PODXL: variants seen among roughly 807,000 people sequenced by gnomAD.
PODXL encodes the protein podocalyxin like.
In PODXL, 20 loss-of-function variants were observed where a neutral mutation model predicts 48.9. The observed-to-expected ratio is 0.41, with a 90% CI of 0.29 to 0.59. The LOEUF is 0.59. Ranked by LOEUF, PODXL falls within the 20% of genes least tolerant of loss-of-function variation. PODXL has a pLI of 0.31. For missense variants in PODXL, 606 were observed against 675.1 expected (o/e 0.90, Z 1.13); for synonymous variants, 295 against 287.4 (o/e 1.03, Z -0.27).
At chr7:131,520,878 A>G (rs530574804) in intron 1 of PODXL, among the ~76,000 whole-genome samples, 3 of 152,370 alleles carry the variant, frequency 2.0e-5, no homozygotes, top group South Asian at 2.1e-4. Context: ...ACAAGAAAAA[A>G]GCTGAGAGGC....
At position 131,500,303 on chromosome 7, in the gene PODXL, A is replaced by G. The variant is rs1797677691; in HGVS notation, c.*4008T>C. The G allele has an allele frequency of 6.6e-6, 1 of 152,540 alleles. No individual in the cohort carries two copies. The highest frequency in any genetic ancestry group is 2.4e-5 in the African/African-American group (1 of 41,446). 9.4% of individuals were successfully genotyped at this position (152,540 alleles called of 1,614,324 possible). On this transcript the variant is annotated 3_prime_UTR_variant, in exon 9 of 9. Coordinates refer to ENST00000378555, the MANE Select transcript of PODXL (RefSeq NM_001018111.3). Reference sequence around the variant, plus strand: ...AAAAACACTTTAATTGACAGTATACAATTTTCCAAAATATATTTTTGTAAG... The same window carrying G: ...AAAAACACTTTAATTGACAGTATACGATTTTCCAAAATATATTTTTGTAAG...
chr7:131,525,017 T>C (rs989235222), intron 1 of PODXL, among the ~76,000 whole-genome samples: 1 of 152,124 alleles, frequency 6.6e-6, no homozygotes, highest in African/African-American at 2.4e-5. Context: ...TTTGATGTTA[T>C]GGAAAGGGCA....
chr7:131,550,937 A>G (rs913379661), intron 1 of PODXL, among the ~76,000 whole-genome samples: 2 of 152,098 alleles, frequency 1.3e-5, no homozygotes, highest in Non-Finnish European at 2.9e-5. Flanking sequence ...GATTTCCAGA[A>G]GGCTCCCCAG....
At chr7:131,533,391 G>C (rs187524823) in intron 1 of PODXL, among the ~76,000 whole-genome samples, 2 of 152,288 alleles carry the variant, frequency 1.3e-5, no homozygotes, top group African/African-American at 4.8e-5. Context: ...AGATAATTCC[G>C]GGCATTCTTC....
At chr7:131,546,753 GTC>G (rs1297682424) in intron 1 of PODXL, among the ~76,000 whole-genome samples, 1 of 111,094 alleles carries the variant, frequency 9.0e-6, no homozygotes, top group Non-Finnish European at 1.9e-5. Flanking sequence ...AAAAAAAAAA[GTC>G]TGTTTTGACT....
At chr7:131,536,356 G>C (rs1258545017) in intron 1 of PODXL, among the ~76,000 whole-genome samples, 1 of 152,198 alleles carries the variant, frequency 6.6e-6, no homozygotes, top group African/African-American at 2.4e-5. Context: ...CTGGATGGCT[G>C]GTGCTGTCTA....
intron 1 of PODXL, 65 bp from the exon 2 acceptor site, chr7:131,511,498 C>T (rs1797914788): frequency 6.5e-7 from 1 of 1,547,586 alleles, no homozygotes; most frequent in Non-Finnish European, 8.8e-7. Context: ...GCTTCTCCAG[C>T]TCTTCCCCAG....
At chr7:131,553,180 A>C (rs1433150930) in intron 1 of PODXL, among the ~76,000 whole-genome samples, 3 of 151,992 alleles carry the variant, frequency 2.0e-5, no homozygotes, top group Non-Finnish European at 4.4e-5. Context: ...CCCCGACCCT[A>C]ATCTGCATCT....
chr7:131,539,796 C>G (rs918712780), intron 1 of PODXL, among the ~76,000 whole-genome samples: 1 of 152,156 alleles, frequency 6.6e-6, no homozygotes, highest in African/African-American at 2.4e-5. Context: ...TCCTGGTACA[C>G]TCGGGGCAGC....
intron 1 of PODXL, among the ~76,000 whole-genome samples, chr7:131,548,891 G>A (rs965025513): frequency 2.0e-5 from 3 of 152,184 alleles, no homozygotes; most frequent in Non-Finnish European, 2.9e-5. Flanking sequence ...TGCATTTACA[G>A]AGCACAGGCT....
intron 1 of PODXL, chr7:131,520,161 G>T (rs1798069328): frequency 8.2e-6 from 2 of 244,958 alleles, no homozygotes; most frequent in South Asian, 1.2e-4. Flanking sequence ...AGAGGGTGGT[G>T]AGAAGAAAGG....
chr7:131,533,848 C>T (rs1286002849), intron 1 of PODXL, among the ~76,000 whole-genome samples: 1 of 152,184 alleles, frequency 6.6e-6, no homozygotes, highest in African/African-American at 2.4e-5. Flanking sequence ...AGCTGTATAA[C>T]CAGGCAAGAG....
At chr7:131,511,454 G>A (rs1310212663) in intron 1 of PODXL, 21 bp from the exon 2 acceptor site, 2 of 1,599,012 alleles carry the variant, frequency 1.3e-6, no homozygotes, top group South Asian at 2.2e-5. Flanking sequence ...AGATAACAGA[G>A]AATGGAGTTA....
intron 5 of PODXL, among the ~76,000 whole-genome samples, chr7:131,507,669 GAA>G (rs71174953): frequency 1.1e-3 from 149 of 133,196 alleles, no homozygotes; most frequent in Non-Finnish European, 1.5e-3. Flanking sequence ...CTAGCAAAGG[GAA>G]AAAAAAAAAA....
At position 131,509,530 on chromosome 7, in the gene PODXL, G is replaced by A. The variant is rs762594335; in HGVS notation, c.858C>T (p.Ser286=). ...TQQTSSQMPA[S]STAPSSQETV... Reference sequence around the variant, plus strand: ...TCTCCTGGGAGGAAGGGGCCGTAGAGCTGGCTGGCATCTGACTGGAGGTCT... The same window carrying A: ...TCTCCTGGGAGGAAGGGGCCGTAGAACTGGCTGGCATCTGACTGGAGGTCT... The change falls in exon 4 of 9, where the codon AGC becomes AGT. Residue 286 remains serine, a synonymous_variant. Transcript: ENST00000378555. 3.2e-5 allele frequency: 51 copies of A among 1,602,736 alleles called. No individual in the cohort carries two copies. Among genetic ancestry groups the A allele is most frequent in the East Asian group, 4.5e-5 (2 of 44,646 alleles).
At chr7:131,524,377 C>CAGAGAGAG (rs1451998492) in intron 1 of PODXL, among the ~76,000 whole-genome samples, 4 of 24,072 alleles carry the variant, frequency 1.7e-4, no homozygotes, top group African/African-American at 2.5e-4. Flanking sequence ...CACACACACA[C>CAGAGAGAG]ACAGAGAGAG....
chr7:131,534,893 T>C (rs1256942940), intron 1 of PODXL, among the ~76,000 whole-genome samples: 3 of 151,872 alleles, frequency 2.0e-5, no homozygotes, highest in African/African-American at 7.3e-5. Context: ...CTACCAAAAA[T>C]ACACACAAAA....
intron 1 of PODXL, chr7:131,520,373 C>A: frequency 2.2e-6 from 1 of 463,070 alleles, no homozygotes; most frequent in Non-Finnish European, 4.2e-6. Context: ...AAAGAATGTC[C>A]CATACCTATC....
chr7:131,544,606 G>A (rs1314914689), intron 1 of PODXL, among the ~76,000 whole-genome samples: 2 of 152,032 alleles, frequency 1.3e-5, no homozygotes, highest in African/African-American at 2.4e-5. Context: ...AGTTAGGACA[G>A]CACAGGCCTG....
Sources: allele counts gnomAD v4.1 joint callset (sites outside exome capture counted in the v4.1 genomes callset), GRCh38; gene constraint gnomAD v4.1.1; transcripts MANE v1.5; gene names NCBI Gene and HGNC (gene_info 2026-07-23, HGNC 2026-07-21).